PGGHG: variants seen among roughly 807,000 people sequenced by gnomAD.
The protein encoded by PGGHG is protein-glucosylgalactosylhydroxylysine glucosidase, also known as ATH1, acid trehalase-like 1.
A neutral mutation model predicts 74.5 loss-of-function variants in PGGHG; 67 were observed. That is an observed-to-expected ratio of 0.90 (90% confidence interval 0.74 to 1.10). PGGHG has a LOEUF of 1.10. Ranked by LOEUF, PGGHG falls within the 50% of genes least tolerant of loss-of-function variation. PGGHG has a pLI of 0.00. For synonymous variants in PGGHG, 496 were observed against 419.9 expected (o/e 1.18, Z -2.21); for missense variants, 1,034 against 981.5 (o/e 1.05, Z -0.72).
Position 294,757 on chromosome 11 carries a change from C to T in PGGHG, c.*8C>T, listed in dbSNP as rs112127332. 386 of 1,583,212 alleles carry T rather than the reference C, an allele frequency of 2.4e-4. 3 individuals are homozygous for T. In the African/African-American group the frequency reaches 4.2e-3, roughly 17 times the overall value. ...GACCCTGCCTCTGAATAATCAGGAA[C>T]GGTGGCTTCAGAGACGTCTCTTGGG... On this transcript the variant is annotated 3_prime_UTR_variant, in exon 14 of 14. Coordinates refer to ENST00000409548, the MANE Select transcript of PGGHG (RefSeq NM_025092.5).
At chr11:291,167 A>C in intron 4 of PGGHG, 54 bp downstream of exon 4, 1 of 1,504,446 alleles carries the variant, frequency 6.6e-7, no homozygotes, top group Non-Finnish European at 8.9e-7. Context: ...ATGGAGGTCC[A>C]CGGTCTCTGC....
intron 4 of PGGHG, chr11:291,710 T>A (rs1337081342): frequency 7.2e-6 from 3 of 418,402 alleles, no homozygotes; most frequent in Non-Finnish European, 8.6e-6. Flanking sequence ...AAGCTGCCCA[T>A]GCGCATATTC....
At position 295,810 on chromosome 11, in the gene PGGHG, C is replaced by T. The variant is rs1360313080; in HGVS notation, c.*1061C>T. 1 of 152,288 alleles carries T rather than the reference C, an allele frequency of 6.6e-6. No homozygotes were observed. Among genetic ancestry groups the T allele is most frequent in the East Asian group, 1.9e-4 (1 of 5,200 alleles). The allele number at this position is 152,288 out of a possible 1,614,324, so 9.4% of individuals were successfully genotyped here. On this transcript the variant is annotated 3_prime_UTR_variant, in exon 14 of 14. Coordinates refer to ENST00000409548, the MANE Select transcript of PGGHG (RefSeq NM_025092.5). ...CCCAGCAACATGGCTCCCCTCGCAT[C>T]TGCATCTCCCTCCTGCTCTGGTGTT...
At chr11:290,185 C>A in intron 2 of PGGHG, 110 bp downstream of exon 2, 2 of 1,431,486 alleles carry the variant, frequency 1.4e-6, no homozygotes, top group Non-Finnish European at 1.8e-6. Flanking sequence ...CAGGAAGTCT[C>A]ACTAAGACAG....
At position 294,649 on chromosome 11, in the gene PGGHG, CT is replaced by C; in HGVS notation, c.2119del (p.Ser707GlnfsTer59). ...GSSSSEFPGR[T>X]FSDVRDPLQS... ...TCCAGCTCCGAGTTCCCTGGGAGGA[CT>C]TTTTCAGATGTTAGGGACCCGCTCC... On this transcript the variant is annotated frameshift_variant, in exon 14 of 14. Transcript: ENST00000409548. LOFTEE classifies it low-confidence loss of function (END_TRUNC). 1.2e-6 allele frequency: 2 copies of C among 1,613,440 alleles called. No individual in the cohort carries two copies. The highest frequency in any genetic ancestry group is 1.7e-6 in the Non-Finnish European group (2 of 1,179,964).
Position 289,584 on chromosome 11 carries a change from C to G in PGGHG, c.-13-220C>G. The G allele has an allele frequency of 5.1e-6, 3 of 589,864 alleles. No homozygotes were observed. Among genetic ancestry groups the G allele is most frequent in the Non-Finnish European group, 8.8e-6 (3 of 339,948 alleles). 36.5% of individuals were successfully genotyped at this position (589,864 alleles called of 1,614,324 possible). On this transcript the variant is annotated intron_variant, in intron 1 of 13. Transcript: ENST00000409548. The surrounding 1 kb of genome is among the most constrained non-coding windows in gnomAD (Gnocchi z 5.6). ...GGGAGAGACACACTCAGGGGCTCAG[C>G]TGGGTTCCTGGAGATCAACCTTTGG...
At chr11:291,145 A>C (rs766240841) in intron 4 of PGGHG, 32 bp downstream of exon 4, 3 of 1,527,414 alleles carry the variant, frequency 2.0e-6, no homozygotes, top group Non-Finnish European at 1.8e-6. Context: ...CCAGCCACAC[A>C]GCAGGCGACA....
chr11:293,672 A>G lies in PGGHG; in HGVS notation c.1559A>G (p.Lys520Arg). 6.2e-7 allele frequency: 1 copy of G among 1,613,368 alleles called. No individual in the cohort carries two copies. Among genetic ancestry groups the G allele is most frequent in the Non-Finnish European group, 8.5e-7 (1 of 1,179,980 alleles). ...PFSLSPDVRR[K>R]NLEIYEAVTS... ...TCCCTGAGTCCTGATGTTCGCAGGA[A>G]AAATCTGGAGATTTACGAGGCTGTG... Residue 520 changes from lysine (K) to arginine (R), a missense_variant, in exon 10 of 14, where the codon AAA (lysine) becomes AGA (arginine). By Grantham distance (26) the Lys-to-Arg change is conservative. Transcript: ENST00000409548.
chr11:295,072 T>G lies in PGGHG; in HGVS notation c.*323T>G. 1 of 234,370 alleles carries G rather than the reference T, an allele frequency of 4.3e-6. No homozygotes were observed. The allele number at this position is 234,370 out of a possible 1,614,324, so 14.5% of individuals were successfully genotyped here. On this transcript the variant is annotated 3_prime_UTR_variant, in exon 14 of 14. Coordinates refer to ENST00000409548, the MANE Select transcript of PGGHG (RefSeq NM_025092.5). ...AGCCTGCATCACCTCTGGCCTCTCA[T>G]CCCCCACTCTCCTGAGAGCAGTGGT...
chr11:295,002 G>A lies in PGGHG; in HGVS notation c.*253G>A, dbSNP rs991376085. The A allele has an allele frequency of 1.9e-5, 8 of 429,164 alleles. No homozygotes were observed. Among genetic ancestry groups the A allele is most frequent in the Middle Eastern group, 5.9e-4 (1 of 1,694 alleles). The allele number at this position is 429,164 out of a possible 1,614,324, so 26.6% of individuals were successfully genotyped here. A position where few individuals can be genotyped will look rare whatever the true frequency, so the allele number is the denominator to read the frequency against. On this transcript the variant is annotated 3_prime_UTR_variant, in exon 14 of 14. Transcript: ENST00000409548. ...TGCCCCTGTGGACTGATGCTATCGC[G>A]CACCGTCCCACGACCCCACCCCGAG...
Position 293,515 on chromosome 11 carries a change from C to T in PGGHG, c.1480+13C>T. 6.2e-7 allele frequency: 1 copy of T among 1,611,550 alleles called. No homozygotes were observed. The highest frequency in any genetic ancestry group is 1.1e-5 in the South Asian group (1 of 91,076). ...GGGTATGAGCCTGGTGAGTGGACCC[C>T]TTCAAGGGCTCCTCCCCTGCCGTCG... is the stretch of plus-strand genomic sequence containing the variant. On this transcript the variant is annotated intron_variant, in intron 9 of 13. Coordinates refer to ENST00000409548, the MANE Select transcript of PGGHG (RefSeq NM_025092.5).
At chr11:291,764 G>A (rs545701628) in intron 4 of PGGHG, 61 of 620,304 alleles carry the variant, frequency 9.8e-5, no homozygotes, top group African/African-American at 9.6e-4. Context: ...CTGGGGAGGC[G>A]AAGTGTGGGG....
rs1191720775 is a variant in PGGHG at position 293,182 on chromosome 11, G to A, written c.1290G>A (p.Glu430=). Residue 430 remains glutamate, a synonymous_variant, in exon 8 of 14, where the codon GAG becomes GAA. Coordinates refer to ENST00000409548, the MANE Select transcript of PGGHG (RefSeq NM_025092.5). ...GTCCAGGAGTCATGTCCCCCGACGA[G>A]TACCATTCAGGGGTCAACAACTCTG... ...YHLRGVMSPD[E]YHSGVNNSVY... is the part of the protein sequence containing the mutation. 8 of 1,613,894 alleles carry A rather than the reference G, an allele frequency of 5.0e-6. No homozygotes were observed. Among genetic ancestry groups the A allele is most frequent in the Non-Finnish European group, 6.8e-6 (8 of 1,179,998 alleles).
intron 2 of PGGHG, 48 bp downstream of exon 2, chr11:290,123 G>C: frequency 6.7e-7 from 1 of 1,483,612 alleles, no homozygotes; most frequent in Non-Finnish European, 8.9e-7. Flanking sequence ...ATTGTTCCAG[G>C]TCGGTGGGGC....
chr11:291,954 G>A (rs1282643651), intron 4 of PGGHG, 22 bp from the exon 5 acceptor site: 2 of 1,593,506 alleles, frequency 1.3e-6, no homozygotes, highest in East Asian at 2.2e-5. Flanking sequence ...TCCGGCGCTA[G>A]AACGAGGGAC....
chr11:291,635 G>A, intron 4 of PGGHG: 1 of 302,480 alleles, frequency 3.3e-6, no homozygotes, highest in Non-Finnish European at 6.3e-6. Flanking sequence ...GAGCCTCCCG[G>A]TGCTGCCGCT....
chr11:294,092 C>G lies in PGGHG; in HGVS notation c.1711-7C>G, dbSNP rs1273933268. The G allele has an allele frequency of 6.3e-7, 1 of 1,599,552 alleles. No individual in the cohort carries two copies. The highest frequency in any genetic ancestry group is 2.2e-5 in the East Asian group (1 of 44,712). ...GGTCCTGGTGTCAGCTGCCCTTGCC[C>G]CTGCAGGTGTGGACGGAGAATGCAG... is the stretch of plus-strand genomic sequence containing the variant. On this transcript the variant is annotated splice_polypyrimidine_tract_variant and splice_region_variant and intron_variant, in intron 11 of 13. Transcript: ENST00000409548.
In PGGHG at chr11:294,258, C is replaced by T. The variant is rs777836801; in HGVS notation, c.1809-9C>T. ...CCACCTGCCACCTCACAAGCCTCTC[C>T]TCCCACAGGGTCACCCGAGCGGGTG... On this transcript the variant is annotated splice_polypyrimidine_tract_variant and intron_variant, in intron 12 of 13. Transcript: ENST00000409548. 4 of 1,598,148 alleles carry T rather than the reference C, an allele frequency of 2.5e-6. No individual in the cohort carries two copies. Among genetic ancestry groups the T allele is most frequent in the East Asian group, 2.2e-5 (1 of 44,708 alleles).
intron 2 of PGGHG, 75 bp from the exon 3 acceptor site, chr11:290,315 C>T (rs1049249007): frequency 7.6e-6 from 11 of 1,441,746 alleles, no homozygotes; most frequent in African/African-American, 1.4e-5. Context: ...GGAGAGGCAG[C>T]GGTCGGGTGG....
Sources: allele counts gnomAD v4.1 joint callset, GRCh38; gene constraint gnomAD v4.1.1; non-coding constraint Gnocchi (gnomAD v3.1); transcripts MANE v1.5; gene names NCBI Gene and HGNC (gene_info 2026-07-23, HGNC 2026-07-21).